The following CYGB variants were observed in gnomAD, a reference collection of about 807,000 sequenced individuals.
CYGB encodes cytoglobin.
A neutral mutation model predicts 20.7 loss-of-function variants in CYGB; 13 were observed. The observed-to-expected ratio is 0.63, with a 90% CI of 0.41 to 1.00. CYGB has a LOEUF of 1.00. Among genes scored for constraint, CYGB ranks in the 50% least tolerant of loss-of-function variants. The probability of loss-of-function intolerance (pLI) is 0.00; values close to 1 mark genes in which losing one functional copy is unlikely to be tolerated. For synonymous variants in CYGB, 93 were observed against 107.4 expected, an observed-to-expected ratio of 0.87 and a Z score of 0.83; for missense variants, 218 against 257.2, an observed-to-expected ratio of 0.85 and a Z score of 1.04.
upstream of CYGB, chr17:76,540,223 A>T (rs548816444): frequency 5.9e-5 from 78 of 1,326,476 alleles, no homozygotes; most frequent in South Asian, 8.7e-4. The surrounding 1 kb of genome is among the most constrained non-coding windows in gnomAD (Gnocchi z 5.0). Flanking sequence ...ACCGTGAGAA[A>T]CTGACCGGGC....
chr17:76,534,021 G>C (rs1264491528), intron 1 of CYGB, among the ~76,000 whole-genome samples: 1 of 152,200 alleles, frequency 6.6e-6, no homozygotes, highest in Admixed American at 6.5e-5. Context: ...TTGGGTGACA[G>C]AGCAAGACCC....
upstream of CYGB, chr17:76,540,026 C>T: frequency 9.0e-7 from 1 of 1,108,152 alleles, no homozygotes; most frequent in Non-Finnish European, 1.3e-6. This position sits in a 1 kb window ranked among gnomAD's most constrained non-coding sequence, Gnocchi z 5.0. Flanking sequence ...AATCCATCCC[C>T]AGCAGGAACC....
chr17:76,528,758 A>G lies in CYGB; in HGVS notation c.540-147T>C, dbSNP rs994218659. On this transcript the variant is annotated intron_variant, in intron 3 of 3. Coordinates refer to ENST00000293230, the MANE Select transcript of CYGB (RefSeq NM_134268.5). The surrounding 1 kb of genome is among the most constrained non-coding windows in gnomAD (Gnocchi z 5.8). The stretch of plus-strand genomic sequence containing the variant: ...CAGTTGAAAGCAACCGTGAGACCCA[A>G]GTTCTAGTCTCCGTCCTGCTACGAA... 3 of 1,018,688 alleles carry G rather than the reference A, an allele frequency of 2.9e-6. No homozygotes were observed. The African/African-American group carries it at 5.0e-5, about 17-fold the overall frequency. 63.1% of individuals were successfully genotyped at this position (1,018,688 alleles called of 1,614,324 possible). A position where few individuals can be genotyped will look rare whatever the true frequency, so the allele number is the denominator to read the frequency against.
At chr17:76,541,945 T>C (rs1043830255), upstream of CYGB, among the ~76,000 whole-genome samples, 28 of 152,246 alleles carry the variant, frequency 1.8e-4, no homozygotes, top group African/African-American at 6.5e-4. Flanking sequence ...CTAGCAGCTG[T>C]CTTGTTTCAT....
At chr17:76,540,239 C>A (rs1165042652), upstream of CYGB, 2 of 306,836 alleles carry the variant, frequency 6.5e-6, no homozygotes, top group Non-Finnish European at 1.2e-5. The surrounding 1 kb of genome is among the most constrained non-coding windows in gnomAD (Gnocchi z 5.0). Context: ...CGGGCTATGG[C>A]TGGCGGTTGG....
intron 1 of CYGB, chr17:76,545,145 C>T (rs752137969): frequency 3.5e-5 from 16 of 456,664 alleles, no homozygotes; most frequent in East Asian, 1.4e-4. Flanking sequence ...AGCCCACGCT[C>T]GCCTCTTATT....
upstream of CYGB, chr17:76,540,434 TG>T (rs2074977257): frequency 6.5e-7 from 1 of 1,544,440 alleles, no homozygotes. This position sits in a 1 kb window ranked among gnomAD's most constrained non-coding sequence, Gnocchi z 5.0. Context: ...CAATGCGGCC[TG>T]GACCTGTGGA....
chr17:76,529,471 C>T (rs750716787), intron 3 of CYGB: 7 of 985,322 alleles, frequency 7.1e-6, no homozygotes, highest in Non-Finnish European at 8.4e-6. Context: ...GGACGGGCAG[C>T]GTGCTGGGGA....
chr17:76,547,843 A>ACACACACACACACAACACACATT (rs1221442680), intron 1 of CYGB, among the ~76,000 whole-genome samples: 1 of 129,066 alleles, frequency 7.7e-6, no homozygotes, highest in East Asian at 2.0e-4. Context: ...ACACACATTC[A>ACACACACACACACAACACACATT]CACACACACA....
upstream of CYGB, among the ~76,000 whole-genome samples, chr17:76,539,299 G>A (rs113835691): frequency 4.0e-5 from 6 of 151,868 alleles, 1 homozygote; most frequent in African/African-American, 1.2e-4. Flanking sequence ...AGGAGAAATC[G>A]TGTAACTATT....
chr17:76,540,320 C>T (rs2143143161), upstream of CYGB: 15 of 1,383,262 alleles, frequency 1.1e-5, 1 homozygote, highest in South Asian at 7.4e-5. This position sits in a 1 kb window ranked among gnomAD's most constrained non-coding sequence, Gnocchi z 5.0. Context: ...GAACCTTCAG[C>T]GGGGCTGGGA....
upstream of CYGB, chr17:76,540,333 G>A: frequency 7.6e-7 from 1 of 1,323,380 alleles, no homozygotes; most frequent in Non-Finnish European, 1.1e-6. This position sits in a 1 kb window ranked among gnomAD's most constrained non-coding sequence, Gnocchi z 5.0. Flanking sequence ...GGCTGGGAGG[G>A]CATTTTGAGG....
rs2075059062 is a variant in CYGB at position 76,546,954 on chromosome 17, T to A, written c.-53+3908A>T. 1 of 152,142 alleles carries A rather than the reference T, an allele frequency of 6.6e-6. No homozygotes were observed. Among genetic ancestry groups the A allele is most frequent in the South Asian group, 2.1e-4 (1 of 4,828 alleles). The allele number at this position is 152,142 out of a possible 1,614,324, so 9.4% of individuals were successfully genotyped here. On this transcript the variant is annotated intron_variant, in intron 1 of 3. Transcript: ENST00000589145. This position sits in a 1 kb window ranked among gnomAD's most constrained non-coding sequence, Gnocchi z 4.5. ...GGAAATCTGACACCAAAGCTTGGGATAGAGGGGGCCCAAGTCTCGAGTTGG... is the reference window on the plus strand; with the variant it reads ...GGAAATCTGACACCAAAGCTTGGGAAAGAGGGGGCCCAAGTCTCGAGTTGG...
chr17:76,533,164 A>C lies in CYGB; in HGVS notation c.144-1473T>G, dbSNP rs1010880313. Among the ~76,000 whole-genome samples, 1 of 152,190 alleles carries C rather than the reference A, an allele frequency of 6.6e-6. No homozygotes were observed. The highest frequency in any genetic ancestry group is 6.5e-5 in the Admixed American group (1 of 15,270). ...GAAGTTTGCACAGTGACCAGGGCAC[A>C]GTCTGTGTGGAGACTCAGGAGGGCC... On this transcript the variant is annotated intron_variant, in intron 1 of 3. Transcript: ENST00000293230. This position sits in a 1 kb window ranked among gnomAD's most constrained non-coding sequence, Gnocchi z 4.5.
intron 1 of CYGB, among the ~76,000 whole-genome samples, chr17:76,547,630 AAC>A (rs1202657652): frequency 1.9e-5 from 2 of 106,842 alleles, no homozygotes; most frequent in Non-Finnish European, 3.7e-5. Flanking sequence ...TCCCTATGTG[AAC>A]ACACACACAT....
chr17:76,540,668 T>C, upstream of CYGB: 1 of 1,253,998 alleles, frequency 8.0e-7, no homozygotes, highest in Non-Finnish European at 1.2e-6. This position sits in a 1 kb window ranked among gnomAD's most constrained non-coding sequence, Gnocchi z 5.0. Context: ...TGTGCGCGCC[T>C]GTGCGTGCAC....
upstream of CYGB, chr17:76,538,392 T>C: frequency 1.0e-5 from 4 of 394,266 alleles, no homozygotes; most frequent in South Asian, 7.2e-5. Flanking sequence ...ACCTCCGACC[T>C]CGGGCGCCAG....
At chr17:76,547,876 CACACAT>C (rs1276739589) in intron 1 of CYGB, among the ~76,000 whole-genome samples, 4 of 151,194 alleles carry the variant, frequency 2.6e-5, no homozygotes, top group South Asian at 2.1e-4. Flanking sequence ...TACATATTCA[CACACAT>C]ACACATACAC....
At chr17:76,534,961 C>T (rs1367776779) in intron 1 of CYGB, among the ~76,000 whole-genome samples, 1 of 152,240 alleles carries the variant, frequency 6.6e-6, no homozygotes, top group Admixed American at 6.5e-5. Context: ...GGAGGAGCCT[C>T]CACAGCCAGC....
Sources: gnomAD v4.1 joint callset for allele counts (sites outside exome capture counted in the v4.1 genomes callset) on GRCh38, gnomAD v4.1.1 for gene constraint, Gnocchi (gnomAD v3.1) non-coding constraint, MANE v1.5 for transcripts, NCBI Gene and HGNC (gene_info 2026-07-23, HGNC 2026-07-21) for gene names.